Variants in RSF1 observed in about 807,000 individuals in gnomAD.
RSF1 encodes remodeling and spacing factor 1, also known as HBV pX-associated protein 8.
In RSF1, 13 loss-of-function variants were observed where a neutral mutation model predicts 145.2. The observed-to-expected ratio is 0.09, with a 90% CI of 0.06 to 0.14. RSF1 has a LOEUF of 0.14. RSF1 is among the 10% of genes least tolerant of loss of function. RSF1 has a pLI of 1.00. For synonymous variants in RSF1, 577 were observed against 592.6 expected (o/e 0.97, Z 0.38); for missense variants, 1,517 against 1,718.2 (o/e 0.88, Z 2.07).
chr11:77,792,415 G>C (rs935643943), intron 1 of RSF1, among the ~76,000 whole-genome samples: 1 of 152,108 alleles, frequency 6.6e-6, no homozygotes, highest in Non-Finnish European at 1.5e-5. Context: ...AGGCCAGCTG[G>C]AGGCCCAAGA....
rs564410248 is a variant in RSF1 at position 77,686,408 on chromosome 11, CAAAAA to C, written c.2901-1254_2901-1250del. Among the ~76,000 whole-genome samples the C allele has an allele frequency of 8.1e-5, 3 of 37,132 alleles. 1 individual carries two copies. The highest frequency in any genetic ancestry group is 7.2e-4 in the Admixed American group (2 of 2,786). 24.4% of individuals were successfully genotyped at this position (37,132 alleles called of 152,430 possible). ...GGGCATCAAGAGTGAGACCCTGTCTCAAAAAAAAAAAAAAAAAAAAGCAGGTGTTT... is the reference window on the plus strand; with the variant it reads ...GGGCATCAAGAGTGAGACCCTGTCTCAAAAAAAAAAAAAAAGCAGGTGTTT... On this transcript the variant is annotated intron_variant, in intron 9 of 15. Transcript: ENST00000308488.
chr11:77,840,097 AACACAC>A, the RSF1 span, among the ~76,000 whole-genome samples: 3 of 150,434 alleles, frequency 2.0e-5, no homozygotes, highest in East Asian at 2.0e-4. Context: ...GGGGACAGTA[AACACAC>A]ACACACACAC....
intron 1 of RSF1, 38 bp downstream of exon 1, chr11:77,820,490 G>C (rs1274757926): frequency 1.3e-6 from 2 of 1,540,980 alleles, no homozygotes; most frequent in Admixed American, 2.0e-5. Flanking sequence ...CAGAGCGCCA[G>C]GGCCGCTTCC....
rs1027414711 is a variant in RSF1 at position 77,716,696 on chromosome 11, G to A, written c.733+8849C>T. 2.6e-5 allele frequency among the ~76,000 whole-genome samples: 4 copies of A among 152,164 alleles called. 1 individual carries two copies. Among genetic ancestry groups the A allele is most frequent in the Admixed American group, 2.6e-4 (4 of 15,274 alleles). On this transcript the variant is annotated intron_variant, in intron 5 of 15. Coordinates refer to ENST00000308488, the MANE Select transcript of RSF1 (RefSeq NM_016578.4). ...GAGATCTACTACTGTACAACATGGT[G>A]ACTACAGTTACAACAACGTACTGTA... is the stretch of plus-strand genomic sequence containing the variant.
intron 1 of RSF1, among the ~76,000 whole-genome samples, chr11:77,803,670 A>G (rs1484230363): frequency 6.6e-6 from 1 of 151,892 alleles, no homozygotes; most frequent in Non-Finnish European, 1.5e-5. Context: ...TCCCAGGTAC[A>G]CAGGAGGCTG....
chr11:77,781,399 T>C (rs1948402799), intron 1 of RSF1, among the ~76,000 whole-genome samples: 1 of 152,140 alleles, frequency 6.6e-6, no homozygotes, highest in Admixed American at 6.5e-5. Context: ...GTGCCTGGCC[T>C]CCGTGTTTTG....
At chr11:77,826,593 C>G in the RSF1 span, among the ~76,000 whole-genome samples, 3 of 152,162 alleles carry the variant, frequency 2.0e-5, no homozygotes, top group Admixed American at 1.3e-4. Context: ...AGTCGCTACC[C>G]TGAGCCTCCC....
intron 1 of RSF1, among the ~76,000 whole-genome samples, chr11:77,778,168 AG>A (rs1487834088): frequency 6.3e-4 from 15 of 23,882 alleles, no homozygotes; most frequent in South Asian, 5.2e-3. Flanking sequence ...GGGGGAATGG[AG>A]GGGGAGTGGA....
At chr11:77,850,676 AATAAT>A in the RSF1 span, 1 of 152,192 alleles carries the variant, frequency 6.6e-6, no homozygotes, top group African/African-American at 2.4e-5. Flanking sequence ...TAGTTATGTG[AATAAT>A]ATAATACATT....
At chr11:77,755,028 T>C (rs1251095578) in intron 2 of RSF1, among the ~76,000 whole-genome samples, 1 of 152,126 alleles carries the variant, frequency 6.6e-6, no homozygotes, top group African/African-American at 2.4e-5. Flanking sequence ...GCAAAAGATA[T>C]GGTAAAATAG....
the RSF1 span, among the ~76,000 whole-genome samples, chr11:77,856,025 A>C: frequency 6.6e-6 from 1 of 152,112 alleles, no homozygotes; most frequent in African/African-American, 2.4e-5. Context: ...AGGCTGAGGT[A>C]GGGGGATTCC....
At chr11:77,792,419 C>G (rs917998336) in intron 1 of RSF1, among the ~76,000 whole-genome samples, 2 of 152,112 alleles carry the variant, frequency 1.3e-5, no homozygotes. Flanking sequence ...CAGCTGGAGG[C>G]CCAAGAATCG....
chr11:77,821,439 C>G (rs576416348), upstream of RSF1, among the ~76,000 whole-genome samples: 1 of 151,988 alleles, frequency 6.6e-6, no homozygotes, highest in South Asian at 2.1e-4. Flanking sequence ...AGTTTGCCGA[C>G]GGGGTATTGC....
chr11:77,783,428 TCATAA>T (rs1410357877), intron 1 of RSF1, among the ~76,000 whole-genome samples: 1 of 152,236 alleles, frequency 6.6e-6, no homozygotes, highest in East Asian at 1.9e-4. Context: ...AGTGGCTAGC[TCATAA>T]CATATTCTCT....
In RSF1 at chr11:77,747,831, G is replaced by A. The variant is rs574318093; in HGVS notation, c.280-703C>T. Among the ~76,000 whole-genome samples the A allele has an allele frequency of 8.2e-4, 125 of 152,284 alleles. 1 individual carries two copies. Among genetic ancestry groups the A allele is most frequent in the African/African-American group, 3.0e-3 (124 of 41,546 alleles). ...GGTTAACACAGTGAAATGCAAATGG[G>A]TTCTATGACCTCTGTGAGCTAGTTT... On this transcript the variant is annotated intron_variant, in intron 2 of 15. Coordinates refer to ENST00000308488, the MANE Select transcript of RSF1 (RefSeq NM_016578.4).
chr11:77,814,608 A>G (rs28610388), intron 1 of RSF1, among the ~76,000 whole-genome samples: 26,833 of 151,802 alleles, frequency 0.18, 2,957 homozygotes, highest in African/African-American at 0.29. Context: ...ACCAGGTCTG[A>G]CTAATTTTTG....
chr11:77,806,071 A>C (rs1292465126), intron 1 of RSF1, among the ~76,000 whole-genome samples: 1 of 152,142 alleles, frequency 6.6e-6, no homozygotes, highest in African/African-American at 2.4e-5. Flanking sequence ...GGAATGTAAT[A>C]TTATAACAAC....
chr11:77,827,287 T>C, the RSF1 span, among the ~76,000 whole-genome samples: 1 of 152,214 alleles, frequency 6.6e-6, no homozygotes, highest in East Asian at 1.9e-4. Context: ...ACTTCCCAAC[T>C]TATTCTGTGA....
chr11:77,855,836 A>T, the RSF1 span, among the ~76,000 whole-genome samples: 1 of 149,634 alleles, frequency 6.7e-6, no homozygotes, highest in African/African-American at 2.5e-5. Context: ...GCAGTGGCTC[A>T]TCCCTGTAAT....
Sources: gnomAD v4.1 joint callset for allele counts (sites outside exome capture counted in the v4.1 genomes callset) on GRCh38, gnomAD v4.1.1 for gene constraint, MANE v1.5 for transcripts, NCBI Gene and HGNC (gene_info 2026-07-23, HGNC 2026-07-21) for gene names.